PDXDC1: variants seen among roughly 807,000 people sequenced by gnomAD.
PDXDC1 encodes pyridoxal-dependent decarboxylase domain-containing protein 1.
Under a neutral mutation model 100.1 loss-of-function variants are expected in PDXDC1, and 42 were observed. The ratio of observed to expected loss-of-function variants is 0.42; its 90% CI spans 0.33 to 0.54. PDXDC1 has a LOEUF of 0.54. Among genes scored for constraint, PDXDC1 ranks in the 20% least tolerant of loss-of-function variants. The pLI, the probability that PDXDC1 is intolerant of heterozygous loss-of-function variation, is 0.10. For synonymous variants in PDXDC1, 260 were observed against 371.7 expected, an observed-to-expected ratio of 0.70 and a Z score of 3.46; for missense variants, 636 against 979.2, an observed-to-expected ratio of 0.65 and a Z score of 4.68.
chr16:15,096,321 C>T (rs2046355740), intron 16 of PDXDC1, among the ~76,000 whole-genome samples: 1 of 152,126 alleles, frequency 6.6e-6, no homozygotes, highest in Non-Finnish European at 1.5e-5. Context: ...GTTGGCCAGG[C>T]TGGTCTCAAA....
At chr16:15,111,221 C>T (rs2077390339) in intron 16 of PDXDC1, among the ~76,000 whole-genome samples, 2 of 148,652 alleles carry the variant, frequency 1.3e-5, no homozygotes, top group Admixed American at 1.3e-4. Context: ...CTTTGGGAGG[C>T]CGAGGCAGGC....
intron 14 of PDXDC1, among the ~76,000 whole-genome samples, 188 bp downstream of exon 14, chr16:15,026,894 G>A (rs1371414030): frequency 2.6e-5 from 4 of 152,412 alleles, no homozygotes; most frequent in African/African-American, 4.8e-5. Flanking sequence ...GATAGTTTGC[G>A]GTGATTAAAC....
intron 16 of PDXDC1, among the ~76,000 whole-genome samples, chr16:15,077,670 T>C (rs1301253536): frequency 6.6e-6 from 1 of 152,110 alleles, no homozygotes; most frequent in African/African-American, 2.4e-5. Context: ...TGAAACCCCA[T>C]CTCTACTAAA....
At chr16:15,090,513 C>T (rs1334506134) in intron 16 of PDXDC1, among the ~76,000 whole-genome samples, 1 of 152,192 alleles carries the variant, frequency 6.6e-6, no homozygotes, top group Non-Finnish European at 1.5e-5. Flanking sequence ...GAGAAAGGAT[C>T]ATTTGAGGCC....
downstream of PDXDC1, among the ~76,000 whole-genome samples, chr16:15,143,995 G>A (rs1428614560): frequency 6.6e-6 from 1 of 152,318 alleles, no homozygotes; most frequent in Non-Finnish European, 1.5e-5. Context: ...GCTCGGAGGG[G>A]CCACCTGCGG....
intron 13 of PDXDC1, chr16:15,025,442 TTAA>T (rs1333141938): frequency 6.6e-6 from 1 of 152,592 alleles, no homozygotes; most frequent in Non-Finnish European, 1.5e-5. Context: ...CGCCGTACCT[TTAA>T]AAGTATCACG....
intron 16 of PDXDC1, among the ~76,000 whole-genome samples, chr16:15,093,221 C>T (rs1481088670): frequency 6.6e-6 from 1 of 152,188 alleles, no homozygotes; most frequent in Middle Eastern, 3.2e-3. Context: ...CCAGGCTGGT[C>T]TCCAACTCCT....
chr16:14,991,936 T>A (rs59284187), intron 1 of PDXDC1, among the ~76,000 whole-genome samples: 299 of 152,266 alleles, frequency 2.0e-3, no homozygotes, highest in African/African-American at 6.8e-3. Flanking sequence ...TCCTAAGGGA[T>A]TTTCAGGTTA....
chr16:15,047,340 C>T, intron 16 of PDXDC1: 1 of 780,846 alleles, frequency 1.3e-6, no homozygotes, highest in Non-Finnish European at 2.3e-6. Context: ...GCAGACACGG[C>T]AGTGGTGGCA....
At position 15,009,373 on chromosome 16, in the gene PDXDC1, T is replaced by G. The variant is rs2041066491; in HGVS notation, c.649-308T>G. Reference sequence around the variant, plus strand: ...GTACATCAGTGAGTAATAGTAGAGATACATTCTTGGCTGTTTTAGGAGAGT... The same window carrying G: ...GTACATCAGTGAGTAATAGTAGAGAGACATTCTTGGCTGTTTTAGGAGAGT... On this transcript the variant is annotated intron_variant, in intron 7 of 22. Coordinates refer to ENST00000396410, the MANE Select transcript of PDXDC1 (RefSeq NM_015027.4). 7 of 485,946 alleles carry G rather than the reference T, an allele frequency of 1.4e-5. No homozygotes were observed. The South Asian group carries it at 2.7e-4, about 18-fold the overall frequency. The allele number at this position is 485,946 out of a possible 1,614,324, so 30.1% of individuals were successfully genotyped here.
At chr16:15,147,411 G>C in the PDXDC1 span, among the ~76,000 whole-genome samples, 1 of 152,230 alleles carries the variant, frequency 6.6e-6, no homozygotes, top group Non-Finnish European at 1.5e-5. Context: ...TCTGTAAAAT[G>C]AGACCAGGAG....
At chr16:14,999,455 T>A (rs1003124468) in intron 3 of PDXDC1, among the ~76,000 whole-genome samples, 7 of 152,114 alleles carry the variant, frequency 4.6e-5, no homozygotes, top group Admixed American at 4.6e-4. Flanking sequence ...ACACTTGTAG[T>A]CCCAGCTGCT....
At chr16:15,142,077 G>C (rs2048484326), downstream of PDXDC1, among the ~76,000 whole-genome samples, 1 of 152,180 alleles carries the variant, frequency 6.6e-6, no homozygotes, top group South Asian at 2.1e-4. Flanking sequence ...CACAGGCATG[G>C]GGAGCAGCTC....
chr16:15,087,316 A>G (rs565753359), intron 16 of PDXDC1, among the ~76,000 whole-genome samples: 27 of 152,308 alleles, frequency 1.8e-4, no homozygotes, highest in African/African-American at 5.5e-4. Context: ...CTAATCCTAA[A>G]AACTCTGCAA....
chr16:15,012,328 C>T (rs1458675653), intron 8 of PDXDC1, among the ~76,000 whole-genome samples: 3 of 152,242 alleles, frequency 2.0e-5, no homozygotes, highest in Non-Finnish European at 4.4e-5. Context: ...TGGTCTTGAA[C>T]TCCTGACCTT....
At chr16:15,079,873 A>C in intron 16 of PDXDC1, 8 of 1,121,806 alleles carry the variant, frequency 7.1e-6, no homozygotes, top group Non-Finnish European at 1.0e-5. Flanking sequence ...CTGGGAATAC[A>C]GGCGTGAGTC....
chr16:15,003,662 A>G (rs1236859462), intron 4 of PDXDC1, among the ~76,000 whole-genome samples: 2 of 152,280 alleles, frequency 1.3e-5, no homozygotes, highest in African/African-American at 2.4e-5. Context: ...AAAAAGGGCT[A>G]TTTATCTCCT....
At chr16:15,018,402 G>A (rs1379509156) in intron 11 of PDXDC1, among the ~76,000 whole-genome samples, 14 of 152,366 alleles carry the variant, frequency 9.2e-5, no homozygotes, top group Middle Eastern at 3.4e-3. Context: ...GAATGAAAAC[G>A]AAACCTGTCA....
At chr16:15,062,496 G>A (rs897104587) in intron 16 of PDXDC1, among the ~76,000 whole-genome samples, 12 of 152,182 alleles carry the variant, frequency 7.9e-5, no homozygotes, top group African/African-American at 2.4e-4. Flanking sequence ...ACAGAGCAGC[G>A]AAATTCTTTA....
Sources: allele counts gnomAD v4.1 joint callset (sites outside exome capture counted in the v4.1 genomes callset), GRCh38; gene constraint gnomAD v4.1.1; transcripts MANE v1.5; gene names NCBI Gene and HGNC (gene_info 2026-07-23, HGNC 2026-07-21).